NXPH1: variants seen among roughly 807,000 people sequenced by gnomAD.
NXPH1 encodes the protein neurexophilin-1.
NXPH1 carries 5 observed loss-of-function variants against 23.7 expected under a neutral mutation model. That is an observed-to-expected ratio of 0.21 (90% CI 0.11 to 0.44). The LOEUF is 0.44. Among genes scored for constraint, NXPH1 ranks in the 20% least tolerant of loss-of-function variants. NXPH1 has a pLI of 0.99. For synonymous variants in NXPH1, 144 were observed against 122.2 expected (o/e 1.18, Z -1.18); for missense variants, 324 against 321.6 (o/e 1.01, Z -0.06).
At chr7:8,461,501 C>A (rs905491089) in intron 2 of NXPH1, among the ~76,000 whole-genome samples, 2 of 152,176 alleles carry the variant, frequency 1.3e-5, no homozygotes, top group South Asian at 2.1e-4. Context: ...GTATTTTCCT[C>A]AAATCCAAAT....
At chr7:8,486,791 A>G (rs1354496468) in intron 2 of NXPH1, among the ~76,000 whole-genome samples, 1 of 152,006 alleles carries the variant, frequency 6.6e-6, no homozygotes, top group Non-Finnish European at 1.5e-5. Flanking sequence ...CTCTATCTGG[A>G]TAGGTCTCTT....
intron 2 of NXPH1, among the ~76,000 whole-genome samples, chr7:8,707,041 T>G (rs1203163517): frequency 4.6e-5 from 7 of 152,096 alleles, no homozygotes; most frequent in Non-Finnish European, 1.0e-4. Context: ...CTCCATAAAT[T>G]TATAGAAATT....
intron 2 of NXPH1, among the ~76,000 whole-genome samples, chr7:8,630,085 A>G (rs1268875922): frequency 6.6e-6 from 1 of 152,044 alleles, no homozygotes; most frequent in Non-Finnish European, 1.5e-5. Context: ...ATTTTGCCAG[A>G]ATAACTTCTG....
chr7:8,515,777 C>T (rs183156268), intron 2 of NXPH1, among the ~76,000 whole-genome samples: 199 of 152,230 alleles, frequency 1.3e-3, no homozygotes, highest in African/African-American at 4.1e-3. Flanking sequence ...GTTTTAATCA[C>T]GTCTGTAAAC....
At chr7:8,724,200 T>A (rs1471930783) in intron 2 of NXPH1, among the ~76,000 whole-genome samples, 1 of 152,198 alleles carries the variant, frequency 6.6e-6, no homozygotes, top group South Asian at 2.1e-4. Flanking sequence ...CAAAAGTTCC[T>A]GTCCATCTTT....
intron 2 of NXPH1, among the ~76,000 whole-genome samples, chr7:8,641,214 T>C (rs755146863): frequency 1.1e-4 from 17 of 152,190 alleles, no homozygotes; most frequent in Non-Finnish European, 2.1e-4. Flanking sequence ...TTGTTAATTT[T>C]AAGCTATCAT....
Position 8,478,505 on chromosome 7 carries a change from A to C in NXPH1, c.54+42738A>C, listed in dbSNP as rs566008293. ...TTTTAAGATCAAAAAGAAATGAAGA[A>C]GTAAAGTTTTTGTAAAGAAAGATCC... is the stretch of plus-strand genomic sequence containing the variant. On this transcript the variant is annotated intron_variant, in intron 2 of 2. Transcript: ENST00000405863. Among the ~76,000 whole-genome samples the C allele has an allele frequency of 2.0e-3, 298 of 152,240 alleles. 2 individuals carry two copies. The highest frequency in any genetic ancestry group is 3.2e-3 in the Non-Finnish European group (218 of 67,988).
intron 2 of NXPH1, among the ~76,000 whole-genome samples, chr7:8,445,701 G>A (rs762772102): frequency 6.6e-6 from 1 of 152,170 alleles, no homozygotes; most frequent in African/African-American, 2.4e-5. Flanking sequence ...AGCAAAGCAA[G>A]GTTATATGTT....
rs116654901 is a variant in NXPH1 at position 8,554,024 on chromosome 7, G to T, written c.54+118257G>T. Reference sequence around the variant, plus strand: ...CTAGAAAGCTGAAATGGTTATGTCAGTGGCTGAAGTGTGGTTTTAATCTAC... The same window carrying T: ...CTAGAAAGCTGAAATGGTTATGTCATTGGCTGAAGTGTGGTTTTAATCTAC... On this transcript the variant is annotated intron_variant, in intron 2 of 2. Coordinates refer to ENST00000405863, the MANE Select transcript of NXPH1 (RefSeq NM_152745.3). Among the ~76,000 whole-genome samples, 473 of 151,736 alleles carry T rather than the reference G, an allele frequency of 3.1e-3. 3 individuals carry two copies. The highest frequency in any genetic ancestry group is 0.011 in the African/African-American group (447 of 41,478).
intron 2 of NXPH1, among the ~76,000 whole-genome samples, chr7:8,661,929 C>A (rs1331232865): frequency 6.6e-6 from 1 of 151,660 alleles, no homozygotes; most frequent in East Asian, 1.9e-4. Flanking sequence ...AGTATCCCCC[C>A]CAAAAAACAA....
At position 8,461,784 on chromosome 7, in the gene NXPH1, C is replaced by A. The variant is rs1389152250; in HGVS notation, c.54+26017C>A. ...GGCGGAGCTTGCAGTGAGCTGAGAT[C>A]GCGCCACTGCAGTCCGCAGTCCGGC... On this transcript the variant is annotated intron_variant, in intron 2 of 2. Coordinates refer to ENST00000405863, the MANE Select transcript of NXPH1 (RefSeq NM_152745.3). 2.1e-5 allele frequency among the ~76,000 whole-genome samples: 3 copies of A among 142,842 alleles called. No homozygotes were observed. The Admixed American group carries it at 2.1e-4, about 10-fold the overall frequency. The allele number at this position is 142,842 out of a possible 152,430, so 93.7% of individuals were successfully genotyped here.
chr7:8,639,190 G>T (rs974116598), intron 2 of NXPH1, among the ~76,000 whole-genome samples: 10 of 152,086 alleles, frequency 6.6e-5, no homozygotes, highest in Non-Finnish European at 1.2e-4. Flanking sequence ...AATAGAATTA[G>T]TATTTTGAGA....
chr7:8,543,086 G>T (rs571902250), intron 2 of NXPH1, among the ~76,000 whole-genome samples: 1 of 151,578 alleles, frequency 6.6e-6, no homozygotes, highest in African/African-American at 2.4e-5. Context: ...CCTTTTGGGG[G>T]TAGATATTTT....
At chr7:8,604,225 A>G (rs976661186) in intron 2 of NXPH1, among the ~76,000 whole-genome samples, 4 of 152,174 alleles carry the variant, frequency 2.6e-5, no homozygotes, top group Non-Finnish European at 5.9e-5. Flanking sequence ...GTTATAAAAC[A>G]TCATGTATTT....
chr7:8,606,063 G>A (rs957982948), intron 2 of NXPH1, among the ~76,000 whole-genome samples: 1 of 152,014 alleles, frequency 6.6e-6, no homozygotes, highest in African/African-American at 2.4e-5. Flanking sequence ...TGGTGATTTT[G>A]TGCAAGGGAT....
In NXPH1 at chr7:8,451,124, T is replaced by TTC. The variant is rs200899071; in HGVS notation, c.54+15357_54+15358insTC. Among the ~76,000 whole-genome samples, 1,254 of 151,752 alleles carry TTC rather than the reference T, an allele frequency of 8.3e-3. 22 individuals are homozygous for TTC. Among genetic ancestry groups the TTC allele is most frequent in the African/African-American group, 0.029 (1,214 of 41,348 alleles). ...GAGGGATCTAGCTTTTTTTTTTTTTTCAACTATCATCTGTGTTCCTTTTGC... is the reference window on the plus strand; with the variant it reads ...GAGGGATCTAGCTTTTTTTTTTTTTTTCCAACTATCATCTGTGTTCCTTTTGC... On this transcript the variant is annotated intron_variant, in intron 2 of 2. Coordinates refer to ENST00000405863, the MANE Select transcript of NXPH1 (RefSeq NM_152745.3).
chr7:8,592,670 C>G (rs556361544), intron 2 of NXPH1, among the ~76,000 whole-genome samples: 1 of 152,078 alleles, frequency 6.6e-6, no homozygotes, highest in Admixed American at 6.6e-5. Context: ...TTACAGAGCT[C>G]ATCGTCTCTG....
chr7:8,615,461 G>C (rs550929602), intron 2 of NXPH1, among the ~76,000 whole-genome samples: 91 of 151,954 alleles, frequency 6.0e-4, no homozygotes, highest in African/African-American at 2.0e-3. Flanking sequence ...ATAGATGTTA[G>C]GTGTTACTGC....
chr7:8,462,980 A>C (rs1000990685), intron 2 of NXPH1, among the ~76,000 whole-genome samples: 5 of 152,174 alleles, frequency 3.3e-5, no homozygotes, highest in African/African-American at 4.8e-5. Flanking sequence ...GCTTCTCTTT[A>C]ATCTCTTACT....
Sources: allele counts gnomAD v4.1 joint callset (sites outside exome capture counted in the v4.1 genomes callset), GRCh38; gene constraint gnomAD v4.1.1; transcripts MANE v1.5; gene names NCBI Gene and HGNC (gene_info 2026-07-23, HGNC 2026-07-21).